CACNA2D3: variants seen among roughly 807,000 people sequenced by gnomAD.
CACNA2D3 encodes voltage-dependent calcium channel subunit alpha-2/delta-3.
CACNA2D3 carries 60 observed loss-of-function variants against 160.6 expected under a neutral mutation model. The observed-to-expected ratio is 0.37, with a 90% CI of 0.30 to 0.46. The LOEUF (loss-of-function observed/expected upper bound fraction) is 0.46, where lower values mean the gene tolerates loss of function less well. Among genes scored for constraint, CACNA2D3 ranks in the 20% least tolerant of loss-of-function variants. The probability of loss-of-function intolerance (pLI) is 1.00; values close to 1 mark genes in which losing one functional copy is unlikely to be tolerated. For synonymous variants in CACNA2D3, 558 were observed against 492.9 expected (o/e 1.13, Z -1.75); for missense variants, 1,205 against 1,365.0 (o/e 0.88, Z 1.85).
chr3:54,846,180 G>T (rs889245218), intron 16 of CACNA2D3, among the ~76,000 whole-genome samples: 4 of 152,142 alleles, frequency 2.6e-5, no homozygotes, highest in African/African-American at 9.7e-5. Flanking sequence ...ATTTTAAATT[G>T]TGCTATTTGT....
chr3:54,930,626 G>A (rs966314578), intron 27 of CACNA2D3, among the ~76,000 whole-genome samples: 1 of 152,180 alleles, frequency 6.6e-6, no homozygotes, highest in Non-Finnish European at 1.5e-5. Flanking sequence ...GCTAAATGAA[G>A]AAGCACACTT....
At chr3:54,978,429 T>TA (rs1266119239) in intron 29 of CACNA2D3, among the ~76,000 whole-genome samples, 1 of 152,144 alleles carries the variant, frequency 6.6e-6, no homozygotes, top group Non-Finnish European at 1.5e-5. Flanking sequence ...TCAGGGTAGA[T>TA]AGAGAGGAGC....
intron 8 of CACNA2D3, among the ~76,000 whole-genome samples, chr3:54,570,800 G>A (rs1005496975): frequency 1.3e-5 from 2 of 152,082 alleles, no homozygotes; most frequent in East Asian, 1.9e-4. Context: ...GCCTGAGACC[G>A]GGCAGTCATG....
chr3:54,277,138 G>T (rs913804566), intron 2 of CACNA2D3, among the ~76,000 whole-genome samples: 3 of 152,244 alleles, frequency 2.0e-5, no homozygotes, highest in Non-Finnish European at 4.4e-5. Context: ...ACGCTGCCCT[G>T]CAGGACTGGG....
chr3:54,253,362 G>A (rs916788624), intron 2 of CACNA2D3, among the ~76,000 whole-genome samples: 3 of 152,080 alleles, frequency 2.0e-5, no homozygotes, highest in Non-Finnish European at 2.9e-5. Context: ...TTCTGGGGAG[G>A]CCTCAGGAAA....
At chr3:54,797,982 T>A (rs1347589434) in intron 13 of CACNA2D3, among the ~76,000 whole-genome samples, 1 of 152,188 alleles carries the variant, frequency 6.6e-6, no homozygotes, top group East Asian at 1.9e-4. Flanking sequence ...ATATTATATT[T>A]CATCCTAGAA....
intron 2 of CACNA2D3, among the ~76,000 whole-genome samples, chr3:54,252,512 C>T (rs1177434538): frequency 1.3e-5 from 2 of 152,114 alleles, no homozygotes; most frequent in Non-Finnish European, 2.9e-5. Flanking sequence ...TTCAACTGGC[C>T]AGTGATTATG....
intron 12 of CACNA2D3, among the ~76,000 whole-genome samples, chr3:54,760,148 A>C (rs1338453472): frequency 6.6e-6 from 1 of 152,208 alleles, no homozygotes; most frequent in Non-Finnish European, 1.5e-5. Context: ...TAAGCAAGTG[A>C]GAATCCAATG....
In CACNA2D3 at chr3:54,553,376, A is replaced by G. The variant is rs999771684; in HGVS notation, c.545-9424A>G. ...CCATTCTCGTCTTGAATTTGGTCCA[A>G]CACACGGCACAGAAGAAAACTCCTG... is the stretch of plus-strand genomic sequence containing the variant. On this transcript the variant is annotated intron_variant, in intron 5 of 37. Transcript: ENST00000474759. Among the ~76,000 whole-genome samples the G allele has an allele frequency of 3.9e-5, 6 of 152,312 alleles. No individual in the cohort carries two copies. In the South Asian group the frequency reaches 1.2e-3, roughly 32 times the overall value.
intron 13 of CACNA2D3, among the ~76,000 whole-genome samples, chr3:54,769,971 G>A (rs1440266003): frequency 6.6e-6 from 1 of 152,122 alleles, no homozygotes; most frequent in Non-Finnish European, 1.5e-5. Flanking sequence ...GCACTAGCCA[G>A]GCAGAACCTT....
intron 27 of CACNA2D3, among the ~76,000 whole-genome samples, chr3:54,942,974 A>T (rs4955909): frequency 2.0e-5 from 3 of 151,692 alleles, no homozygotes; most frequent in Non-Finnish European, 2.9e-5. Context: ...CAGTGAGCTG[A>T]GACTGTGCCA....
At chr3:54,652,288 G>A (rs962003630) in intron 11 of CACNA2D3, among the ~76,000 whole-genome samples, 2 of 152,178 alleles carry the variant, frequency 1.3e-5, no homozygotes, top group Admixed American at 1.3e-4. Context: ...CATGCAACAG[G>A]TATTTATTGA....
At chr3:54,248,061 T>C (rs982077711) in intron 2 of CACNA2D3, among the ~76,000 whole-genome samples, 7 of 152,242 alleles carry the variant, frequency 4.6e-5, no homozygotes, top group Non-Finnish European at 8.8e-5. Context: ...TAAGCTGTTA[T>C]GGACTCAGTT....
chr3:54,899,080 A>T (rs995086829), intron 26 of CACNA2D3, among the ~76,000 whole-genome samples: 1 of 151,944 alleles, frequency 6.6e-6, no homozygotes, highest in Admixed American at 6.6e-5. Flanking sequence ...ATTTCATCCA[A>T]CTCACTTTCA....
At chr3:54,304,753 CT>C (rs1206616460) in intron 2 of CACNA2D3, among the ~76,000 whole-genome samples, 3 of 152,118 alleles carry the variant, frequency 2.0e-5, no homozygotes, top group Non-Finnish European at 4.4e-5. Flanking sequence ...GAATCACATC[CT>C]TACTTTTCTA....
intron 3 of CACNA2D3, among the ~76,000 whole-genome samples, chr3:54,349,682 A>T (rs1698517877): frequency 6.6e-6 from 1 of 152,166 alleles, no homozygotes; most frequent in Non-Finnish European, 1.5e-5. Flanking sequence ...GCTTCCTGAA[A>T]AATCACTCCC....
chr3:54,655,713 C>A (rs970404918), intron 11 of CACNA2D3, among the ~76,000 whole-genome samples: 2 of 152,096 alleles, frequency 1.3e-5, no homozygotes, highest in Non-Finnish European at 2.9e-5. Flanking sequence ...CAGTTGGTAT[C>A]ATTAATTAAT....
chr3:54,627,740 C>T, intron 9 of CACNA2D3, 47 bp from the exon 10 acceptor site: 3 of 1,214,966 alleles, frequency 2.5e-6, no homozygotes, highest in Non-Finnish European at 3.6e-6. Context: ...GTTGGTGTTT[C>T]ACATAACAGG....
chr3:54,532,736 A>G (rs1192121135), intron 5 of CACNA2D3, among the ~76,000 whole-genome samples: 1 of 152,164 alleles, frequency 6.6e-6, no homozygotes, highest in Non-Finnish European at 1.5e-5. Flanking sequence ...TATCTTTGTT[A>G]TTGCGAATAG....
Sources: allele counts gnomAD v4.1 joint callset (sites outside exome capture counted in the v4.1 genomes callset), GRCh38; gene constraint gnomAD v4.1.1; transcripts MANE v1.5; gene names NCBI Gene and HGNC (gene_info 2026-07-23, HGNC 2026-07-21).